QTGAL: variants seen among roughly 807,000 people sequenced by gnomAD.
QTGAL encodes BGnT-like protein 1.
the QTGAL span, among the ~76,000 whole-genome samples, chr17:83,015,853 C>T: frequency 6.6e-6 from 1 of 152,208 alleles, no homozygotes; most frequent in Non-Finnish European, 1.5e-5. The surrounding 1 kb of genome is among the most constrained non-coding windows in gnomAD (Gnocchi z 4.4). Context: ...CTGTTTCATC[C>T]CAAAACCACG....
the QTGAL span, among the ~76,000 whole-genome samples, chr17:82,952,767 A>G: frequency 6.6e-6 from 1 of 152,192 alleles, no homozygotes; most frequent in Admixed American, 6.5e-5. Context: ...AGCACCACAC[A>G]GCACTTACTC....
At chr17:83,039,373 C>A in the QTGAL span, among the ~76,000 whole-genome samples, 1 of 58,940 alleles carries the variant, frequency 1.7e-5, no homozygotes, top group African/African-American at 8.9e-5. Flanking sequence ...CCGCCGCCCG[C>A]CCCTGTTCTA....
the QTGAL span, among the ~76,000 whole-genome samples, chr17:83,035,824 ACGGGC>A: frequency 1.3e-5 from 2 of 152,220 alleles, no homozygotes; most frequent in East Asian, 1.9e-4. Flanking sequence ...CACATGTGTG[ACGGGC>A]TGGTGGAGGT....
At chr17:82,946,720 AGTC>A in the QTGAL span, among the ~76,000 whole-genome samples, 1 of 152,258 alleles carries the variant, frequency 6.6e-6, no homozygotes, top group Non-Finnish European at 1.5e-5. Flanking sequence ...GCGATTCTGA[AGTC>A]GTGAATTATA....
At chr17:82,965,779 A>G in the QTGAL span, 2 of 1,572,740 alleles carry the variant, frequency 1.3e-6, no homozygotes, top group Non-Finnish European at 1.7e-6. Flanking sequence ...GAGTTAGCGG[A>G]AAAGAACAGC....
At chr17:83,035,182 C>A in the QTGAL span, 3 of 938,346 alleles carry the variant, frequency 3.2e-6, no homozygotes, top group Non-Finnish European at 4.5e-6. Flanking sequence ...ATATGATATT[C>A]TTTTTTTTTT....
the QTGAL span, among the ~76,000 whole-genome samples, chr17:83,019,072 G>A: frequency 0.038 from 5,798 of 152,238 alleles, 173 homozygotes; most frequent in African/African-American, 0.081. Context: ...GCACGATGAC[G>A]CCGCCGGAAT....
chr17:83,019,496 T>A, the QTGAL span, among the ~76,000 whole-genome samples: 4 of 152,112 alleles, frequency 2.6e-5, no homozygotes, highest in Non-Finnish European at 5.9e-5. Flanking sequence ...GCCAAAGTCA[T>A]GGGGACTGGA....
the QTGAL span, among the ~76,000 whole-genome samples, chr17:83,000,915 T>G: frequency 6.6e-6 from 1 of 152,194 alleles, no homozygotes; most frequent in African/African-American, 2.4e-5. Context: ...AATGTAAAAC[T>G]GCTGTGCAGG....
the QTGAL span, chr17:82,942,329 A>G: frequency 6.9e-7 from 1 of 1,452,626 alleles, no homozygotes; most frequent in Non-Finnish European, 9.5e-7. Flanking sequence ...AACGGCACAA[A>G]TGGTTTCCTG....
the QTGAL span, among the ~76,000 whole-genome samples, chr17:83,013,252 G>C: frequency 2.7e-3 from 412 of 151,996 alleles, 2 homozygotes; most frequent in Middle Eastern, 0.014. Flanking sequence ...AGGCAACCGT[G>C]TGGGGCCCTC....
the QTGAL span, among the ~76,000 whole-genome samples, chr17:83,042,508 G>A: frequency 6.6e-5 from 10 of 152,278 alleles, no homozygotes; most frequent in Middle Eastern, 3.4e-3. Context: ...GATGTTCACC[G>A]TAATCCTCAC....
At chr17:83,005,726 C>T in the QTGAL span, 1 of 747,194 alleles carries the variant, frequency 1.3e-6, no homozygotes, top group Non-Finnish European at 2.3e-6. This position sits in a 1 kb window ranked among gnomAD's most constrained non-coding sequence, Gnocchi z 5.6. Flanking sequence ...CGACAACCCT[C>T]TCCCCGGGCA....
At chr17:82,978,167 T>C in the QTGAL span, among the ~76,000 whole-genome samples, 5 of 152,118 alleles carry the variant, frequency 3.3e-5, no homozygotes, top group Non-Finnish European at 7.3e-5. The surrounding 1 kb of genome is among the most constrained non-coding windows in gnomAD (Gnocchi z 4.8). Context: ...TGGCCTTTCC[T>C]TTCCCGGCTC....
chr17:82,952,976 C>T, the QTGAL span, among the ~76,000 whole-genome samples: 5 of 152,118 alleles, frequency 3.3e-5, no homozygotes, highest in East Asian at 1.9e-4. Flanking sequence ...GCAGAAATAA[C>T]GAAGTTCTTT....
chr17:82,942,346 C>A, the QTGAL span: 3 of 1,535,380 alleles, frequency 2.0e-6, no homozygotes, highest in African/African-American at 4.1e-5. Flanking sequence ...CCTGCAGGAA[C>A]CGTGTCAGTC....
At chr17:82,958,312 C>T in the QTGAL span, among the ~76,000 whole-genome samples, 456 of 152,304 alleles carry the variant, frequency 3.0e-3, 2 homozygotes, top group African/African-American at 0.011. Context: ...CGCTGAAGCC[C>T]GGTACCCCAC....
At chr17:82,991,380 A>G in the QTGAL span, among the ~76,000 whole-genome samples, 2 of 152,196 alleles carry the variant, frequency 1.3e-5, no homozygotes, top group African/African-American at 4.8e-5. Flanking sequence ...GTAGTGAATA[A>G]GTCTCACAAG....
the QTGAL span, among the ~76,000 whole-genome samples, chr17:82,955,350 GA>G: frequency 1.3e-5 from 2 of 152,010 alleles, no homozygotes; most frequent in East Asian, 3.8e-4. Flanking sequence ...CAAGAAACAT[GA>G]AAAAAAGCTC....
Sources: gnomAD v4.1 joint callset for allele counts (sites outside exome capture counted in the v4.1 genomes callset) on GRCh38, gnomAD v4.1.1 for gene constraint, Gnocchi (gnomAD v3.1) non-coding constraint, MANE v1.5 for transcripts, NCBI Gene and HGNC (gene_info 2026-07-23, HGNC 2026-07-21) for gene names.